Variants in DGKZ observed in about 807,000 individuals in gnomAD.
DGKZ encodes the protein diacylglycerol kinase zeta.
In DGKZ, 45 loss-of-function variants were observed where a neutral mutation model predicts 142.5. That is an observed-to-expected ratio of 0.32 (90% CI 0.25 to 0.40). The LOEUF (loss-of-function observed/expected upper bound fraction) is 0.40, where lower values mean the gene tolerates loss of function less well. DGKZ is among the 10% of genes least tolerant of loss of function. DGKZ has a pLI of 1.00. For synonymous variants in DGKZ, 442 were observed against 527.0 expected (o/e 0.84, Z 2.21); for missense variants, 755 against 1,306.5 (o/e 0.58, Z 6.51).
intron 1 of DGKZ, among the ~76,000 whole-genome samples, chr11:46,352,731 G>A (rs868386679): frequency 8.5e-5 from 13 of 152,208 alleles, no homozygotes; most frequent in Admixed American, 7.9e-4. Context: ...CCACACCTGC[G>A]GCCAGGTTCT....
At chr11:46,345,961 G>A (rs559079580), upstream of DGKZ, among the ~76,000 whole-genome samples, 1 of 152,250 alleles carries the variant, frequency 6.6e-6, no homozygotes, top group Admixed American at 6.5e-5. The surrounding 1 kb of genome is among the most constrained non-coding windows in gnomAD (Gnocchi z 4.1). Flanking sequence ...GAGCCATTGG[G>A]AAACTTCCCC....
Position 46,347,493 on chromosome 11 carries a change from T to C in DGKZ, c.-167T>C. ...TTCCTGGAGCGGCGGCGGCAGCGGCTTCCCGGGCACCTGGGCGTGGGGAGC... is the reference window on the plus strand; with the variant it reads ...TTCCTGGAGCGGCGGCGGCAGCGGCCTCCCGGGCACCTGGGCGTGGGGAGC... On this transcript the variant is annotated 5_prime_UTR_variant, in exon 1 of 31. Coordinates refer to ENST00000527911, the Ensembl canonical transcript of DGKZ. The surrounding 1 kb of genome is among the most constrained non-coding windows in gnomAD (Gnocchi z 6.4). 1.0e-6 allele frequency: 1 copy of C among 981,442 alleles called. No individual in the cohort carries two copies. The highest frequency in any genetic ancestry group is 1.2e-6 in the Non-Finnish European group (1 of 828,668). The allele number at this position is 981,442 out of a possible 1,614,324, so 60.8% of individuals were successfully genotyped here.
At chr11:46,378,496 G>A (rs370171517) in exon 27 of DGKZ, 4 of 1,611,444 alleles carry the variant, frequency 2.5e-6, no homozygotes, top group Non-Finnish European at 3.4e-6. Context: ...AACGACTTCT[G>A]TAAGGTACTA....
chr11:46,378,629 G>A (rs901769020), intron 27 of DGKZ, 129 bp downstream of exon 27: 14 of 1,226,052 alleles, frequency 1.1e-5, no homozygotes, highest in Non-Finnish European at 1.5e-5. Flanking sequence ...CCCTCTGTGG[G>A]ATCTCCAGTG....
chr11:46,336,553 C>A (rs1207879388), intron 1 of DGKZ, among the ~76,000 whole-genome samples: 3 of 152,144 alleles, frequency 2.0e-5, no homozygotes, highest in African/African-American at 7.2e-5. Context: ...CACAGTGAGA[C>A]CCTGTCTCTA....
chr11:46,364,885 C>G, intron 1 of DGKZ: 1 of 985,454 alleles, frequency 1.0e-6, no homozygotes. Context: ...GTGACCTTGA[C>G]CTCTGTGGCT....
Position 46,366,812 on chromosome 11 carries a change from C to G in DGKZ, c.162-479C>G. The G allele has an allele frequency of 6.5e-7, 1 of 1,546,432 alleles. No homozygotes were observed. Among genetic ancestry groups the G allele is most frequent in the Non-Finnish European group, 8.7e-7 (1 of 1,149,732 alleles). On this transcript the variant is annotated intron_variant, in intron 1 of 30. Transcript: ENST00000527911. ...CTGGGGCCTGCACGGCTACTATCGG[C>G]GCCTCAGCCAGCGGCGGCCCTCAGG...
At chr11:46,349,504 C>G (rs1212684234) in intron 1 of DGKZ, among the ~76,000 whole-genome samples, 1 of 152,112 alleles carries the variant, frequency 6.6e-6, no homozygotes. Context: ...CCAACAGATA[C>G]CTTTATGTAA....
chr11:46,373,348 G>A (rs560845756), intron 14 of DGKZ, among the ~76,000 whole-genome samples: 10 of 144,018 alleles, frequency 6.9e-5, no homozygotes, highest in South Asian at 2.2e-4. Flanking sequence ...GTGCAGTGGC[G>A]CAATCCCAGC....
intron 30 of DGKZ, 84 bp from the exon 31 acceptor site, chr11:46,379,747 G>A: frequency 1.4e-6 from 2 of 1,408,072 alleles, no homozygotes; most frequent in South Asian, 1.4e-5. Context: ...CCAGGCCACA[G>A]GGAGGTAGAG....
intron 5 of DGKZ, 133 bp downstream of exon 5, chr11:46,369,683 T>G (rs944244930): frequency 1.3e-5 from 16 of 1,265,430 alleles, no homozygotes; most frequent in Non-Finnish European, 1.5e-5. Context: ...GTCTGAGGTC[T>G]GCCATGCGGA....
intron 1 of DGKZ, among the ~76,000 whole-genome samples, chr11:46,358,429 C>T (rs1942281761): frequency 6.6e-6 from 1 of 151,984 alleles, no homozygotes. Context: ...TTTAAGAACA[C>T]CATTTGTACT....
chr11:46,355,123 T>C (rs1293758948), intron 1 of DGKZ, among the ~76,000 whole-genome samples: 3 of 152,178 alleles, frequency 2.0e-5, no homozygotes, highest in African/African-American at 7.2e-5. Flanking sequence ...TTTATTTTAT[T>C]TTTTTGAGAC....
At position 46,366,465 on chromosome 11, in the gene DGKZ, C is replaced by G. The variant is rs1249535452; in HGVS notation, c.162-826C>G. 5.8e-6 allele frequency: 9 copies of G among 1,562,298 alleles called. No individual in the cohort carries two copies. The highest frequency in any genetic ancestry group is 6.9e-6 in the Non-Finnish European group (8 of 1,154,052). On this transcript the variant is annotated intron_variant, in intron 1 of 30. Coordinates refer to ENST00000527911, the Ensembl canonical transcript of DGKZ. ...AGTTGCGGGGTGAGGGCCCAGGGTTCCAGCCGCCGGCGCTCCAGCACTGTG... is the reference window on the plus strand; with the variant it reads ...AGTTGCGGGGTGAGGGCCCAGGGTTGCAGCCGCCGGCGCTCCAGCACTGTG...
chr11:46,363,129 C>T (rs979136869), intron 1 of DGKZ, among the ~76,000 whole-genome samples: 2 of 152,204 alleles, frequency 1.3e-5, no homozygotes, highest in Admixed American at 6.5e-5. Flanking sequence ...GACACTGTCA[C>T]GCAGAGCTGC....
upstream of DGKZ, among the ~76,000 whole-genome samples, chr11:46,342,519 G>A (rs561898396): frequency 6.6e-6 from 1 of 152,342 alleles, no homozygotes; most frequent in Admixed American, 6.5e-5. Flanking sequence ...GCAAGAGGAA[G>A]GCAGGGCCCT....
Position 46,347,518 on chromosome 11 carries a change from C to A in DGKZ, c.-142C>A, listed in dbSNP as rs1261327203. 9.7e-5 allele frequency: 95 copies of A among 982,140 alleles called. No homozygotes were observed. Among genetic ancestry groups the A allele is most frequent in the Middle Eastern group, 5.2e-4 (1 of 1,936 alleles). The allele number at this position is 982,140 out of a possible 1,614,324, so 60.8% of individuals were successfully genotyped here. A position where few individuals can be genotyped will look rare whatever the true frequency, so the allele number is the denominator to read the frequency against. ...TTCCCGGGCACCTGGGCGTGGGGAG[C>A]GGGGGCGCGCGGCGCGGGGCGGGCG... is the stretch of plus-strand genomic sequence containing the variant. On this transcript the variant is annotated 5_prime_UTR_variant, in exon 1 of 31. Coordinates refer to ENST00000527911, the Ensembl canonical transcript of DGKZ. This position sits in a 1 kb window ranked among gnomAD's most constrained non-coding sequence, Gnocchi z 6.4.
chr11:46,341,341 C>T (rs1025021914), intron 1 of DGKZ, among the ~76,000 whole-genome samples: 2 of 152,174 alleles, frequency 1.3e-5, no homozygotes, highest in Admixed American at 6.5e-5. Context: ...GGAAGCAAGA[C>T]TAAGTGCACA....
chr11:46,365,164 G>A (rs1392856964), intron 1 of DGKZ: 5 of 985,318 alleles, frequency 5.1e-6, no homozygotes, highest in Non-Finnish European at 4.8e-6. Context: ...GGTCCAGGTG[G>A]GAGCTAGGAT....
Sources: allele counts gnomAD v4.1 joint callset (sites outside exome capture counted in the v4.1 genomes callset), GRCh38; gene constraint gnomAD v4.1.1; non-coding constraint Gnocchi (gnomAD v3.1); transcripts MANE v1.5; gene names NCBI Gene and HGNC (gene_info 2026-07-23, HGNC 2026-07-21).